Variants in DDX6 observed in about 807,000 individuals in gnomAD.
The protein encoded by DDX6 is probable ATP-dependent RNA helicase DDX6.
DDX6 carries 7 observed loss-of-function variants against 60.6 expected under a neutral mutation model. The observed-to-expected ratio is 0.12, with a 90% CI of 0.07 to 0.22. DDX6 has a LOEUF of 0.22. Ranked by LOEUF, DDX6 falls within the 10% of genes least tolerant of loss-of-function variation. The pLI is 1.00. For missense variants in DDX6, 270 were observed against 589.9 expected (o/e 0.46, Z 5.62); for synonymous variants, 207 against 201.0 (o/e 1.03, Z -0.25).
At chr11:118,789,651 T>C (rs1313253001) in intron 1 of DDX6, 3 of 152,222 alleles carry the variant, frequency 2.0e-5, no homozygotes, top group Non-Finnish European at 4.4e-5. Context: ...CGGTTTTATA[T>C]TATGATCAGC....
chr11:118,773,373 T>A (rs1861598411), intron 4 of DDX6, among the ~76,000 whole-genome samples: 1 of 151,874 alleles, frequency 6.6e-6, no homozygotes, highest in African/African-American at 2.4e-5. Flanking sequence ...ATGGAGACCA[T>A]CCTGGCTAAC....
At chr11:118,764,318 T>C (rs781941022) in intron 6 of DDX6, among the ~76,000 whole-genome samples, 13 of 152,312 alleles carry the variant, frequency 8.5e-5, no homozygotes, top group East Asian at 1.9e-4. Flanking sequence ...TTCATGAAAA[T>C]GAATACAGGT....
chr11:118,764,237 A>C (rs1432857471), intron 6 of DDX6, among the ~76,000 whole-genome samples: 1 of 152,212 alleles, frequency 6.6e-6, no homozygotes, highest in East Asian at 1.9e-4. Context: ...TCAAGATATA[A>C]TTTTATATGA....
chr11:118,769,168 A>C (rs936533299), intron 4 of DDX6, among the ~76,000 whole-genome samples: 11 of 152,008 alleles, frequency 7.2e-5, no homozygotes, highest in Admixed American at 5.2e-4. Flanking sequence ...ATTCCAAGGT[A>C]AGACTATATA....
At chr11:118,757,343 G>GCAAA in intron 9 of DDX6, 56 bp from the exon 10 acceptor site, 2 of 982,216 alleles carry the variant, frequency 2.0e-6, no homozygotes, top group Non-Finnish European at 2.9e-6. Flanking sequence ...CATTTGGTTT[G>GCAAA]CCAAATCTTG....
intron 13 of DDX6, 80 bp from the exon 14 acceptor site, chr11:118,752,177 C>A (rs1219770694): frequency 5.6e-5 from 10 of 178,330 alleles, no homozygotes; most frequent in Non-Finnish European, 1.2e-4. Flanking sequence ...ATCCTCATCC[C>A]AAATGCTCTT....
At chr11:118,761,952 G>T (rs1591894443) in intron 7 of DDX6, among the ~76,000 whole-genome samples, 1 of 150,422 alleles carries the variant, frequency 6.6e-6, no homozygotes, top group Admixed American at 6.6e-5. Flanking sequence ...AAAGATAAAA[G>T]TCTGATTTGA....
intron 1 of DDX6, chr11:118,788,570 G>A (rs1474666894): frequency 6.6e-6 from 1 of 151,954 alleles, no homozygotes; most frequent in African/African-American, 2.4e-5. Context: ...GCTAATTTTT[G>A]TATTTTTAGT....
At chr11:118,758,056 A>T (rs1861038479) in intron 9 of DDX6, among the ~76,000 whole-genome samples, 1 of 152,206 alleles carries the variant, frequency 6.6e-6, no homozygotes, top group Non-Finnish European at 1.5e-5. Context: ...GCTAAACAAG[A>T]GGACAGAGAT....
chr11:118,781,744 A>G (rs1352869580), intron 2 of DDX6, among the ~76,000 whole-genome samples: 5 of 151,986 alleles, frequency 3.3e-5, no homozygotes, highest in Non-Finnish European at 7.4e-5. Flanking sequence ...CCTGGCCAAT[A>G]TGGTGAAACC....
At chr11:118,769,179 T>TA (rs1412778697) in intron 4 of DDX6, among the ~76,000 whole-genome samples, 1 of 151,992 alleles carries the variant, frequency 6.6e-6, no homozygotes, top group Non-Finnish European at 1.5e-5. Flanking sequence ...AGACTATATA[T>TA]ATTTTGAGAC....
chr11:118,788,003 T>C (rs2137566144), intron 1 of DDX6: 1 of 150,670 alleles, frequency 6.6e-6, no homozygotes, highest in East Asian at 1.9e-4. Flanking sequence ...TAATTAATAG[T>C]TTAAAAAAAA....
chr11:118,775,948 T>C (rs1262496252), intron 4 of DDX6, among the ~76,000 whole-genome samples: 1 of 152,046 alleles, frequency 6.6e-6, no homozygotes, highest in Non-Finnish European at 1.5e-5. Context: ...CTGGTCAACA[T>C]GGCAAAACCT....
rs991076462 is a variant in DDX6 at position 118,748,428 on chromosome 11, C to G, written c.*3677G>C. On this transcript the variant is annotated 3_prime_UTR_variant, in exon 14 of 14. Transcript: ENST00000534980. ...GATACAAAGTACAACTACAATCTCACAGAAGTCCACTAAAGTTCACCAAAA... is the reference window on the plus strand; with the variant it reads ...GATACAAAGTACAACTACAATCTCAGAGAAGTCCACTAAAGTTCACCAAAA... 1 of 152,164 alleles carries G rather than the reference C, an allele frequency of 6.6e-6. No individual in the cohort carries two copies. The highest frequency in any genetic ancestry group is 6.5e-5 in the Admixed American group (1 of 15,268). The allele number at this position is 152,164 out of a possible 1,614,324, so 9.4% of individuals were successfully genotyped here. A position where few individuals can be genotyped will look rare whatever the true frequency, so the allele number is the denominator to read the frequency against.
chr11:118,759,687 T>C (rs570764885), intron 8 of DDX6, among the ~76,000 whole-genome samples: 2 of 152,346 alleles, frequency 1.3e-5, no homozygotes, highest in Admixed American at 6.5e-5. Context: ...TATGTCATCA[T>C]GACACCAAAA....
At position 118,751,943 on chromosome 11, in the gene DDX6, C is replaced by CT; in HGVS notation, c.*161dup. The CT allele has an allele frequency of 2.4e-6, 1 of 416,650 alleles. No individual in the cohort carries two copies. The highest frequency in any genetic ancestry group is 1.8e-5 in the South Asian group (1 of 55,544). 25.8% of individuals were successfully genotyped at this position (416,650 alleles called of 1,614,324 possible). On this transcript the variant is annotated 3_prime_UTR_variant, in exon 14 of 14. Transcript: ENST00000534980. The stretch of plus-strand genomic sequence containing the variant: ...AAAAGGTATATTCCTTCTTTTCAGC[C>CT]TTTTTCTCTTCACCAGTTAAAAAAA...
At chr11:118,760,533 C>G (rs762890189) in intron 7 of DDX6, among the ~76,000 whole-genome samples, 1 of 151,996 alleles carries the variant, frequency 6.6e-6, no homozygotes, top group Admixed American at 6.6e-5. Flanking sequence ...TTTAAAAGTA[C>G]GGGTTCTGGC....
intron 4 of DDX6, among the ~76,000 whole-genome samples, chr11:118,771,941 G>A (rs1242574666): frequency 1.3e-5 from 2 of 152,124 alleles, no homozygotes; most frequent in African/African-American, 4.8e-5. Context: ...ACAGCGAAGA[G>A]AAATAAAAAC....
chr11:118,768,732 AG>A (rs782203326), intron 4 of DDX6, among the ~76,000 whole-genome samples: 1 of 152,254 alleles, frequency 6.6e-6, no homozygotes, highest in South Asian at 2.1e-4. Flanking sequence ...AAAAATGGCC[AG>A]GCACAGCAGC....
Sources: gnomAD v4.1 joint callset for allele counts (sites outside exome capture counted in the v4.1 genomes callset) on GRCh38, gnomAD v4.1.1 for gene constraint, MANE v1.5 for transcripts, NCBI Gene and HGNC (gene_info 2026-07-23, HGNC 2026-07-21) for gene names.